The following TMEM132D variants were observed in gnomAD, a reference collection of about 807,000 sequenced individuals.
TMEM132D encodes mature OL transmembrane protein.
Under a neutral mutation model 62.3 loss-of-function variants are expected in TMEM132D, and 21 were observed. The observed-to-expected ratio is 0.34, with a 90% CI of 0.24 to 0.49. TMEM132D has a LOEUF of 0.49. Among genes scored for constraint, TMEM132D ranks in the 20% least tolerant of loss-of-function variants. TMEM132D has a pLI of 0.99. For synonymous variants in TMEM132D, 621 were observed against 575.6 expected (o/e 1.08, Z -1.13); for missense variants, 1,346 against 1,402.8 (o/e 0.96, Z 0.65).
intron 4 of TMEM132D, among the ~76,000 whole-genome samples, chr12:129,252,612 C>T (rs1272440744): frequency 6.6e-6 from 1 of 152,146 alleles, no homozygotes; most frequent in Non-Finnish European, 1.5e-5. Context: ...ACTAGTTCGA[C>T]CATTGTGGAA....
intron 3 of TMEM132D, among the ~76,000 whole-genome samples, chr12:129,490,001 T>G (rs559009837): frequency 1.3e-5 from 2 of 152,328 alleles, no homozygotes; most frequent in South Asian, 4.1e-4. Flanking sequence ...TAAATCTATA[T>G]GCCCCATGGA....
At chr12:129,883,981 G>A (rs1874680697) in intron 1 of TMEM132D, among the ~76,000 whole-genome samples, 1 of 152,134 alleles carries the variant, frequency 6.6e-6, no homozygotes, top group African/African-American at 2.4e-5. Flanking sequence ...ACCCATGCAG[G>A]AGCACAGTGG....
chr12:129,796,750 G>A (rs1871573484), intron 1 of TMEM132D, among the ~76,000 whole-genome samples: 1 of 152,106 alleles, frequency 6.6e-6, no homozygotes, highest in South Asian at 2.1e-4. Flanking sequence ...GTAAGGGGAG[G>A]GGTAGCATTA....
intron 4 of TMEM132D, among the ~76,000 whole-genome samples, chr12:129,274,728 A>G (rs905929361): frequency 6.6e-6 from 1 of 152,086 alleles, no homozygotes; most frequent in Non-Finnish European, 1.5e-5. Context: ...CTACTAAAAA[A>G]TACAAAAAAT....
chr12:129,901,502 T>C (rs944720042), intron 1 of TMEM132D, among the ~76,000 whole-genome samples: 3 of 152,242 alleles, frequency 2.0e-5, no homozygotes, highest in Non-Finnish European at 4.4e-5. Flanking sequence ...TTGAACTGTC[T>C]GGCTGACTTG....
At chr12:129,305,122 C>G (rs1187371943) in intron 4 of TMEM132D, among the ~76,000 whole-genome samples, 1 of 152,194 alleles carries the variant, frequency 6.6e-6, no homozygotes, top group African/African-American at 2.4e-5. Context: ...AGAGCAGGGA[C>G]TTTACCAGCC....
chr12:129,652,042 G>A (rs1048350794), intron 2 of TMEM132D, among the ~76,000 whole-genome samples: 11 of 152,188 alleles, frequency 7.2e-5, no homozygotes, highest in African/African-American at 2.7e-4. Context: ...GAGAACTAAA[G>A]CGAGGACCTG....
chr12:129,812,376 A>T (rs540522059), intron 1 of TMEM132D, among the ~76,000 whole-genome samples: 1 of 151,812 alleles, frequency 6.6e-6, no homozygotes, highest in Admixed American at 6.6e-5. Context: ...AGGATGGGTT[A>T]TCTCGTGGAC....
At chr12:129,814,393 C>T (rs886439249) in intron 1 of TMEM132D, among the ~76,000 whole-genome samples, 6 of 151,958 alleles carry the variant, frequency 3.9e-5, no homozygotes, top group Admixed American at 6.6e-5. Context: ...GCAGGTCATC[C>T]GAGGTGGGAG....
intron 3 of TMEM132D, among the ~76,000 whole-genome samples, chr12:129,491,164 G>A (rs1874783404): frequency 6.6e-6 from 1 of 152,152 alleles, no homozygotes; most frequent in African/African-American, 2.4e-5. Flanking sequence ...GGGCTTGTGA[G>A]CATCAAATGC....
chr12:129,747,058 A>G (rs1256336150), intron 1 of TMEM132D, among the ~76,000 whole-genome samples: 1 of 152,148 alleles, frequency 6.6e-6, no homozygotes, highest in East Asian at 1.9e-4. Context: ...TGAATCGTTA[A>G]GAGGTCAATC....
chr12:129,708,461 G>T (rs2137233927), intron 1 of TMEM132D, among the ~76,000 whole-genome samples: 1 of 152,044 alleles, frequency 6.6e-6, no homozygotes, highest in East Asian at 1.9e-4. Context: ...GACCAGCCTT[G>T]GTCATGGGGG....
At chr12:129,611,633 T>A (rs527800353) in intron 2 of TMEM132D, among the ~76,000 whole-genome samples, 1 of 152,310 alleles carries the variant, frequency 6.6e-6, no homozygotes, top group African/African-American at 2.4e-5. Context: ...TACCTTGTAA[T>A]GCCACCATCT....
At chr12:129,375,253 C>T (rs1401451636) in intron 3 of TMEM132D, among the ~76,000 whole-genome samples, 1 of 152,198 alleles carries the variant, frequency 6.6e-6, no homozygotes, top group Non-Finnish European at 1.5e-5. Flanking sequence ...TTATTCAGTA[C>T]AGCAGTTACT....
At chr12:129,511,122 A>C (rs886418040) in intron 3 of TMEM132D, among the ~76,000 whole-genome samples, 3 of 152,204 alleles carry the variant, frequency 2.0e-5, no homozygotes, top group Non-Finnish European at 4.4e-5. Flanking sequence ...TAAATACATC[A>C]TAATAGTGAT....
intron 5 of TMEM132D, among the ~76,000 whole-genome samples, chr12:129,128,337 A>G (rs1351148837): frequency 1.3e-5 from 2 of 152,180 alleles, no homozygotes; most frequent in African/African-American, 4.8e-5. Context: ...GGTTTAATTG[A>G]CTCACAGTTC....
chr12:129,677,045 C>G (rs1437880762), intron 2 of TMEM132D, among the ~76,000 whole-genome samples: 1 of 152,122 alleles, frequency 6.6e-6, no homozygotes, highest in Non-Finnish European at 1.5e-5. Flanking sequence ...TAACCGAAGT[C>G]CCTTTATGGA....
intron 1 of TMEM132D, among the ~76,000 whole-genome samples, chr12:129,896,861 T>C (rs552101126): frequency 6.6e-6 from 1 of 152,334 alleles, no homozygotes; most frequent in South Asian, 2.1e-4. Flanking sequence ...TGAATTCTCT[T>C]TCAAAGGCAT....
chr12:129,148,430 G>A (rs1451834061), intron 5 of TMEM132D, among the ~76,000 whole-genome samples: 5 of 152,270 alleles, frequency 3.3e-5, no homozygotes, highest in African/African-American at 1.2e-4. Flanking sequence ...AAAAGAAGGA[G>A]GCAGGAGGTC....
Sources: gnomAD v4.1 joint callset for allele counts (sites outside exome capture counted in the v4.1 genomes callset) on GRCh38, gnomAD v4.1.1 for gene constraint, MANE v1.5 for transcripts, NCBI Gene and HGNC (gene_info 2026-07-23, HGNC 2026-07-21) for gene names.